Variants in KCNH1 observed in about 807,000 individuals in gnomAD.
The protein encoded by KCNH1 is potassium voltage-gated channel subfamily H member 1.
In KCNH1, 27 loss-of-function variants were observed where a neutral mutation model predicts 69.2. The ratio of observed to expected loss-of-function variants is 0.39; its 90% CI spans 0.29 to 0.54. The LOEUF (loss-of-function observed/expected upper bound fraction) is 0.54. Ranked by LOEUF, KCNH1 falls within the 20% of genes least tolerant of loss-of-function variation. The pLI is 0.68. For missense variants in KCNH1, 798 were observed against 1,261.6 expected, an observed-to-expected ratio of 0.63 and a Z score of 5.57; for synonymous variants, 456 against 487.7, an observed-to-expected ratio of 0.93 and a Z score of 0.86.
intron 5 of KCNH1, among the ~76,000 whole-genome samples, chr1:211,054,611 T>A (rs74524882): frequency 0.044 from 6,677 of 152,144 alleles, 267 homozygotes; most frequent in East Asian, 0.12. Flanking sequence ...AAAACTAAAA[T>A]GCTAGATAAC....
intron 10 of KCNH1, among the ~76,000 whole-genome samples, chr1:210,689,521 A>G (rs551358914): frequency 6.6e-6 from 1 of 152,364 alleles, no homozygotes; most frequent in African/African-American, 2.4e-5. Context: ...GAATAAAAAT[A>G]CATATGTAAT....
intron 6 of KCNH1, among the ~76,000 whole-genome samples, chr1:210,947,246 T>C (rs1304490604): frequency 6.6e-6 from 1 of 152,124 alleles, no homozygotes. Context: ...TTCATACCAC[T>C]GGGTCTCTCG....
intron 3 of KCNH1, 132 bp downstream of exon 3, chr1:211,103,364 T>C (rs1691295939): frequency 1.2e-5 from 7 of 588,404 alleles, no homozygotes; most frequent in Non-Finnish European, 2.1e-5. Context: ...CATCCCAACA[T>C]ACACAAGGGC....
chr1:211,063,194 A>G (rs1690462872), intron 5 of KCNH1, among the ~76,000 whole-genome samples: 1 of 152,204 alleles, frequency 6.6e-6, no homozygotes, highest in Non-Finnish European at 1.5e-5. Context: ...CAGTGAAATA[A>G]GTCAAGCGCA....
intron 8 of KCNH1, among the ~76,000 whole-genome samples, chr1:210,799,706 C>T (rs116278049): frequency 3.9e-5 from 6 of 152,142 alleles, no homozygotes; most frequent in Non-Finnish European, 7.3e-5. Context: ...TCAGTGATGA[C>T]GTTTTCCTTG....
At chr1:210,974,166 T>C (rs1688559721) in intron 6 of KCNH1, among the ~76,000 whole-genome samples, 1 of 152,212 alleles carries the variant, frequency 6.6e-6, no homozygotes, top group Non-Finnish European at 1.5e-5. Context: ...GGTGTTTTGT[T>C]AAATGCTCTT....
chr1:211,019,594 A>C (rs1282293002), intron 5 of KCNH1, among the ~76,000 whole-genome samples: 1 of 152,208 alleles, frequency 6.6e-6, no homozygotes, highest in East Asian at 1.9e-4. Flanking sequence ...TTGTTCTATT[A>C]GCCAATTATT....
At chr1:211,009,161 C>T (rs756817710) in intron 6 of KCNH1, among the ~76,000 whole-genome samples, 3 of 152,128 alleles carry the variant, frequency 2.0e-5, no homozygotes, top group Non-Finnish European at 4.4e-5. Flanking sequence ...AGATGAGAGG[C>T]TGCTAGGTCT....
chr1:210,861,105 C>G (rs371739239), intron 7 of KCNH1: 1 of 876,128 alleles, frequency 1.1e-6, no homozygotes. Flanking sequence ...TTCTGGGCAG[C>G]AGTGGCAAAG....
At chr1:211,103,210 G>A (rs775142776) in intron 3 of KCNH1, among the ~76,000 whole-genome samples, 1 of 152,190 alleles carries the variant, frequency 6.6e-6, no homozygotes, top group Non-Finnish European at 1.5e-5. Flanking sequence ...CCTTAAGCTA[G>A]CAACTCACCA....
chr1:211,107,213 C>A (rs1485745089), intron 2 of KCNH1, 41 bp downstream of exon 2: 1 of 1,607,314 alleles, frequency 6.2e-7, no homozygotes, highest in Non-Finnish European at 8.5e-7. Flanking sequence ...CAAAAGATAC[C>A]ATAATAGATT....
At chr1:211,132,417 G>C (rs1691893611) in intron 1 of KCNH1, among the ~76,000 whole-genome samples, 1 of 152,080 alleles carries the variant, frequency 6.6e-6, no homozygotes, top group Admixed American at 6.5e-5. Context: ...TGACCTAAAA[G>C]CCACCTTAGT....
chr1:211,069,646 C>T (rs577162519), intron 5 of KCNH1, among the ~76,000 whole-genome samples: 1 of 152,056 alleles, frequency 6.6e-6, no homozygotes, highest in East Asian at 1.9e-4. Context: ...AATCTCTGTG[C>T]TTGAGGACAT....
chr1:210,852,193 A>G (rs1294420619), intron 7 of KCNH1, among the ~76,000 whole-genome samples: 1 of 152,196 alleles, frequency 6.6e-6, no homozygotes, highest in Non-Finnish European at 1.5e-5. Context: ...ATCAGAGAAA[A>G]CAGTGGAGAA....
chr1:211,046,905 C>T (rs527811198), intron 5 of KCNH1, among the ~76,000 whole-genome samples: 1 of 152,002 alleles, frequency 6.6e-6, no homozygotes, highest in Admixed American at 6.6e-5. Flanking sequence ...TAAATTAATA[C>T]TAACCAATGG....
chr1:211,115,235 G>A (rs776790643), intron 1 of KCNH1, among the ~76,000 whole-genome samples: 14 of 152,180 alleles, frequency 9.2e-5, no homozygotes, highest in East Asian at 5.8e-4. Context: ...GTGATCCACC[G>A]GCCTTGGCCT....
chr1:211,072,702 C>T (rs1690668741), intron 5 of KCNH1, among the ~76,000 whole-genome samples: 1 of 135,430 alleles, frequency 7.4e-6, no homozygotes, highest in Admixed American at 7.2e-5. Flanking sequence ...TTAGGGCAAC[C>T]ACTGAAAAAA....
chr1:210,818,057 T>C (rs1476144520), intron 7 of KCNH1, among the ~76,000 whole-genome samples: 1 of 152,172 alleles, frequency 6.6e-6, no homozygotes, highest in Non-Finnish European at 1.5e-5. Context: ...TGATCTATGC[T>C]CTGCTGCTTT....
intron 10 of KCNH1, among the ~76,000 whole-genome samples, chr1:210,773,623 T>C (rs1467629828): frequency 1.3e-5 from 2 of 151,752 alleles, no homozygotes; most frequent in Non-Finnish European, 2.9e-5. Context: ...TCCCAGTAGA[T>C]CATTGGCCCC....
Sources: gnomAD v4.1 joint callset for allele counts (sites outside exome capture counted in the v4.1 genomes callset) on GRCh38, gnomAD v4.1.1 for gene constraint, MANE v1.5 for transcripts, NCBI Gene and HGNC (gene_info 2026-07-23, HGNC 2026-07-21) for gene names.